Variants in ZBED4 observed in about 807,000 individuals in gnomAD.
The protein encoded by ZBED4 is zinc finger BED-type containing 4.
ZBED4 carries 4 observed loss-of-function variants against 15.5 expected under a neutral mutation model. The observed-to-expected ratio is 0.26, with a 90% CI of 0.13 to 0.59. ZBED4 has a LOEUF of 0.59. Ranked by LOEUF, ZBED4 falls within the 20% of genes least tolerant of loss-of-function variation. ZBED4 has a pLI of 0.90. For synonymous variants in ZBED4, 692 were observed against 608.5 expected (o/e 1.14, Z -2.02); for missense variants, 1,323 against 1,461.8 (o/e 0.91, Z 1.55).
rs572967327 is a variant in ZBED4, at chr22:49,887,016, C to T, written c.3354C>T (p.Ala1118=). The T allele has an allele frequency of 2.8e-5, 46 of 1,614,058 alleles. No homozygotes were observed. The highest frequency in any genetic ancestry group is 2.0e-4 in the Admixed American group (12 of 60,012). The change falls in exon 2 of 2, where the codon GCC becomes GCT. Residue 1118 remains alanine, a synonymous_variant. Coordinates refer to ENST00000216268, the MANE Select transcript of ZBED4 (RefSeq NM_014838.3). The stretch of plus-strand genomic sequence containing the variant: ...CCTGGCCGGGGCTGTCCGCGCTGGC[C>T]GTCAGATTTTTGGGCTGCCCCCCAA... The part of the protein sequence containing the change: ...KASWPGLSAL[A]VRFLGCPPSI...
At chr22:49,871,764 T>TTA (rs2060349276) in intron 1 of ZBED4, among the ~76,000 whole-genome samples, 1 of 150,342 alleles carries the variant, frequency 6.7e-6, no homozygotes, top group Non-Finnish European at 1.5e-5. Flanking sequence ...TTTATTTTTT[T>TTA]TTTTTTTTGA....
At position 49,884,085 on chromosome 22, in the gene ZBED4, G is replaced by A. The variant is rs772131553; in HGVS notation, c.423G>A (p.Lys141=). 19 of 1,612,176 alleles carry A rather than the reference G, an allele frequency of 1.2e-5. No individual in the cohort carries two copies. Among genetic ancestry groups the A allele is most frequent in the Non-Finnish European group, 1.5e-5 (18 of 1,179,212 alleles). ...STKAICMYCV[K]EFSRGKNEKD... The stretch of plus-strand genomic sequence containing the variant: ...AAGCAATATGCATGTACTGTGTGAA[G>A]GAGTTCAGCAGAGGCAAAAACGAGA... The change falls in exon 2 of 2, where the codon AAG becomes AAA. Residue 141 remains lysine (K), a synonymous_variant. Coordinates refer to ENST00000216268, the MANE Select transcript of ZBED4 (RefSeq NM_014838.3).
intron 1 of ZBED4, among the ~76,000 whole-genome samples, chr22:49,874,487 G>A (rs1468332684): frequency 6.6e-6 from 1 of 151,012 alleles, no homozygotes; most frequent in African/African-American, 2.4e-5. Flanking sequence ...CCAGGTTCAA[G>A]CGATTCTCCT....
intron 1 of ZBED4, among the ~76,000 whole-genome samples, chr22:49,866,355 G>A (rs1167633680): frequency 4.0e-5 from 6 of 151,724 alleles, no homozygotes; most frequent in Non-Finnish European, 5.9e-5. Context: ...AAATTGGTCC[G>A]TTTCTCTTGA....
intron 1 of ZBED4, among the ~76,000 whole-genome samples, chr22:49,856,539 C>T (rs76757743): frequency 0.012 from 1,803 of 152,320 alleles, 27 homozygotes; most frequent in South Asian, 0.027. Context: ...ACCTCCTGCC[C>T]GGCCCAAGCG....
chr22:49,856,863 G>A (rs2060277129), intron 1 of ZBED4, among the ~76,000 whole-genome samples: 2 of 150,966 alleles, frequency 1.3e-5, no homozygotes, highest in African/African-American at 4.9e-5. Flanking sequence ...GGTGAAGGCC[G>A]CGCTGCAATG....
intron 1 of ZBED4, among the ~76,000 whole-genome samples, chr22:49,855,483 T>C (rs1535189): frequency 0.75 from 113,313 of 152,068 alleles, 44,812 homozygotes; most frequent in East Asian, 0.91. Context: ...GCAAAGTATG[T>C]CCATAACACC....
In ZBED4 at chr22:49,884,245, G is replaced by A; in HGVS notation, c.583G>A (p.Asp195Asn). 1 of 1,602,634 alleles carries A rather than the reference G, an allele frequency of 6.2e-7. No homozygotes were observed. Among genetic ancestry groups the A allele is most frequent in the Non-Finnish European group, 8.5e-7 (1 of 1,173,654 alleles). The change falls in exon 2 of 2, where the codon GAC becomes AAC. Residue 195 changes from aspartate (D) to asparagine (N), a missense_variant. Asp to Asn is a conservative substitution (Grantham distance 23, BLOSUM62 1). This residue lies in a region of ZBED4 where 380 missense variants were observed against 413.7 expected (regional missense o/e 0.92). Transcript: ENST00000216268. ...ACTCCTGCTTCCACCACAGCCTGCG[G>A]ACGCGGGTGACCTCAGCACCATCCT... Reference protein sequence around the residue: ...PSLLLPPQPADAGDLSTILSP... With the variant: ...PSLLLPPQPANAGDLSTILSP...
At chr22:49,876,201 G>T (rs928970842) in intron 1 of ZBED4, among the ~76,000 whole-genome samples, 1 of 152,200 alleles carries the variant, frequency 6.6e-6, no homozygotes, top group Admixed American at 6.5e-5. Context: ...GTCCAGAGAA[G>T]AGTCTGTCTT....
intron 1 of ZBED4, among the ~76,000 whole-genome samples, chr22:49,879,075 G>A (rs1327492607): frequency 6.6e-6 from 1 of 150,792 alleles, no homozygotes; most frequent in African/African-American, 2.4e-5. Context: ...AACTGGGGAG[G>A]TGGAGGTTGC....
intron 1 of ZBED4, among the ~76,000 whole-genome samples, chr22:49,855,686 T>C (rs888111321): frequency 3.9e-5 from 6 of 152,168 alleles, no homozygotes; most frequent in Non-Finnish European, 7.4e-5. Flanking sequence ...CGTCCTTCAC[T>C]TTGTTTTGCG....
intron 1 of ZBED4, among the ~76,000 whole-genome samples, chr22:49,870,403 C>T (rs2060341092): frequency 6.6e-6 from 1 of 152,212 alleles, no homozygotes; most frequent in Admixed American, 6.5e-5. Context: ...AGACTCCACA[C>T]TGCTCTCCGC....
In ZBED4 at chr22:49,883,949, A is replaced by C. The variant is rs764922825; in HGVS notation, c.287A>C (p.Asp96Ala). The C allele has an allele frequency of 1.2e-6, 2 of 1,613,696 alleles. No homozygotes were observed. The highest frequency in any genetic ancestry group is 2.2e-5 in the South Asian group (2 of 91,040). The part of the protein sequence containing the change: ...LFSQYSSTLY[D>A]VAMEAVTQSL... ...TCCCAGTACAGCAGCACCCTATACG[A>C]CGTGGCCATGGAGGCCGTGACCCAG... The change falls in exon 2 of 2, where the codon GAC becomes GCC. Residue 96 changes from aspartate to alanine, a missense_variant. By Grantham distance (126) the Asp-to-Ala change is moderately radical. Coordinates refer to ENST00000216268, the MANE Select transcript of ZBED4 (RefSeq NM_014838.3).
intron 1 of ZBED4, among the ~76,000 whole-genome samples, chr22:49,874,989 A>G (rs2060368680): frequency 6.6e-6 from 1 of 151,982 alleles, no homozygotes; most frequent in Admixed American, 6.6e-5. Flanking sequence ...GGCCTGTTTT[A>G]ATTTTTTGAC....
In ZBED4 at chr22:49,869,629, G is replaced by A. The variant is rs552611220; in HGVS notation, c.-329-13705G>A. On this transcript the variant is annotated intron_variant, in intron 1 of 1. Coordinates refer to ENST00000216268, the MANE Select transcript of ZBED4 (RefSeq NM_014838.3). ...CATTGTTTCTCTTAAAAAGTCAGCA[G>A]TGTATCTCATTGGTTTTTTTCTTAA... Among the ~76,000 whole-genome samples the A allele has an allele frequency of 9.2e-5, 14 of 152,220 alleles. No individual in the cohort carries two copies. In the East Asian group the frequency reaches 2.5e-3, roughly 27 times the overall value.
chr22:49,884,042 C>T lies in ZBED4; in HGVS notation c.380C>T (p.Ser127Phe). 6.2e-7 allele frequency: 1 copy of T among 1,603,094 alleles called. No homozygotes were observed. Among genetic ancestry groups the T allele is most frequent in the Non-Finnish European group, 8.5e-7 (1 of 1,176,180 alleles). Residue 127 changes from serine (S) to phenylalanine (F), a missense_variant, in exon 2 of 2, where the codon TCT (serine) becomes TTT (phenylalanine). Ser to Phe is a radical substitution (Grantham distance 155, BLOSUM62 -2). This residue lies in a region of ZBED4 where 380 missense variants were observed against 413.7 expected (regional missense o/e 0.92). Transcript: ENST00000216268. ...KSPAWKHFFI[S>F]PRDSTKAICM... ...CCAGCCTGGAAGCATTTTTTTATCT[C>T]TCCCCGAGACAGCACTAAAGCAATA...
At chr22:49,880,165 G>A (rs956580741) in intron 1 of ZBED4, among the ~76,000 whole-genome samples, 1 of 152,064 alleles carries the variant, frequency 6.6e-6, no homozygotes, top group Non-Finnish European at 1.5e-5. Flanking sequence ...CTCCTAACAC[G>A]GCTTAAAAGA....
intron 1 of ZBED4, among the ~76,000 whole-genome samples, chr22:49,881,235 G>T (rs1161318813): frequency 6.6e-6 from 1 of 152,352 alleles, no homozygotes; most frequent in African/African-American, 2.4e-5. Flanking sequence ...TGTAATCCCA[G>T]CTACTTGGGA....
chr22:49,861,951 C>T (rs894192369), intron 1 of ZBED4, among the ~76,000 whole-genome samples: 7 of 152,126 alleles, frequency 4.6e-5, no homozygotes, highest in Non-Finnish European at 7.4e-5. Flanking sequence ...CAAGTTCCCC[C>T]GCACAGGCCT....
Sources: allele counts gnomAD v4.1 joint callset (sites outside exome capture counted in the v4.1 genomes callset), GRCh38; gene constraint gnomAD v4.1.1; regional missense constraint gnomAD v4.1.1; transcripts MANE v1.5; gene names NCBI Gene and HGNC (gene_info 2026-07-23, HGNC 2026-07-21).